The following CDK14 variants were observed in gnomAD, a reference collection of about 807,000 sequenced individuals.
The protein encoded by CDK14 is cyclin dependent kinase 14.
In CDK14, 34 loss-of-function variants were observed where a neutral mutation model predicts 60.7. The ratio of observed to expected loss-of-function variants is 0.56; its 90% confidence interval spans 0.43 to 0.75. The LOEUF (loss-of-function observed/expected upper bound fraction) is 0.75. Among genes scored for constraint, CDK14 ranks in the 30% least tolerant of loss-of-function variants. The pLI, the probability that CDK14 is intolerant of heterozygous loss-of-function variation, is 0.00. For synonymous variants in CDK14, 197 were observed against 203.7 expected, an observed-to-expected ratio of 0.97 and a Z score of 0.28; for missense variants, 482 against 564.1, an observed-to-expected ratio of 0.85 and a Z score of 1.47.
intron 10 of CDK14, among the ~76,000 whole-genome samples, chr7:91,038,975 G>C (rs1797007596): frequency 6.6e-6 from 1 of 152,106 alleles, no homozygotes; most frequent in Non-Finnish European, 1.5e-5. Flanking sequence ...TTTATTAGCA[G>C]CATGAAAATG....
At chr7:90,996,722 G>A (rs1795695532) in intron 10 of CDK14, among the ~76,000 whole-genome samples, 1 of 152,168 alleles carries the variant, frequency 6.6e-6, no homozygotes, top group Admixed American at 6.5e-5. Context: ...TGTACTGGAA[G>A]TGTTGAAAAC....
chr7:90,658,727 T>G (rs1331569544), intron 2 of CDK14, among the ~76,000 whole-genome samples: 1 of 152,228 alleles, frequency 6.6e-6, no homozygotes, highest in Non-Finnish European at 1.5e-5. Context: ...GTTATCATTT[T>G]TTTGTTATGG....
intron 2 of CDK14, among the ~76,000 whole-genome samples, chr7:90,615,660 A>ATTTC (rs1799636183): frequency 6.6e-6 from 1 of 152,158 alleles, no homozygotes; most frequent in South Asian, 2.1e-4. Flanking sequence ...TGCCCATGGG[A>ATTTC]ATGTGCCAAA....
At chr7:90,951,074 A>G (rs1430685224) in intron 8 of CDK14, among the ~76,000 whole-genome samples, 2 of 152,184 alleles carry the variant, frequency 1.3e-5, no homozygotes, top group African/African-American at 4.8e-5. Flanking sequence ...TGGAATGGGA[A>G]TGAAATCCAA....
intron 4 of CDK14, among the ~76,000 whole-genome samples, chr7:90,780,311 T>C (rs1463292149): frequency 6.6e-6 from 1 of 152,110 alleles, no homozygotes; most frequent in Non-Finnish European, 1.5e-5. Flanking sequence ...ATATTCTGTA[T>C]TTAGAAAGTT....
At chr7:90,799,408 C>G (rs180817179) in intron 5 of CDK14, among the ~76,000 whole-genome samples, 143 of 152,114 alleles carry the variant, frequency 9.4e-4, no homozygotes, top group Non-Finnish European at 1.7e-3. Context: ...CTGAACCTGG[C>G]TGGGTGCGGT....
intron 14 of CDK14, among the ~76,000 whole-genome samples, chr7:91,161,680 G>A (rs535167127): frequency 1.3e-5 from 2 of 152,144 alleles, no homozygotes; most frequent in South Asian, 4.1e-4. Flanking sequence ...AAACATTTGA[G>A]GCAGACAACT....
chr7:90,905,901 A>G (rs1584109154), intron 7 of CDK14, among the ~76,000 whole-genome samples: 1 of 152,178 alleles, frequency 6.6e-6, no homozygotes, highest in Non-Finnish European at 1.5e-5. Context: ...ATTGCAGTGC[A>G]TGGAAGCAGA....
intron 14 of CDK14, among the ~76,000 whole-genome samples, chr7:91,136,391 C>T (rs1042705578): frequency 7.2e-5 from 11 of 152,050 alleles, no homozygotes; most frequent in Non-Finnish European, 1.6e-4. Context: ...TTGATTTGAG[C>T]GTTACTGCCC....
intron 9 of CDK14, among the ~76,000 whole-genome samples, chr7:90,962,274 G>A (rs1381412917): frequency 6.6e-6 from 1 of 151,982 alleles, no homozygotes; most frequent in Non-Finnish European, 1.5e-5. Flanking sequence ...ATCACCTGAG[G>A]GCAGGAGTTC....
chr7:90,927,048 C>T (rs1793439185), intron 8 of CDK14, among the ~76,000 whole-genome samples: 1 of 152,210 alleles, frequency 6.6e-6, no homozygotes, highest in South Asian at 2.1e-4. Context: ...AGGGGCACCA[C>T]CTTCCCAGCA....
intron 5 of CDK14, among the ~76,000 whole-genome samples, chr7:90,847,518 T>C (rs1978068): frequency 0.54 from 81,939 of 151,946 alleles, 22,648 homozygotes; most frequent in East Asian, 0.88. Context: ...CTCTGTTTTC[T>C]TCCACATGGG....
At chr7:90,749,828 C>T (rs1562751909) in intron 4 of CDK14, among the ~76,000 whole-genome samples, 1 of 152,156 alleles carries the variant, frequency 6.6e-6, no homozygotes, top group Non-Finnish European at 1.5e-5. Flanking sequence ...CTTGTGCCTG[C>T]TATCAGGGGA....
chr7:91,026,685 C>T (rs1197323335), intron 10 of CDK14, among the ~76,000 whole-genome samples: 1 of 152,206 alleles, frequency 6.6e-6, no homozygotes, highest in Non-Finnish European at 1.5e-5. Flanking sequence ...GCGTGACCTT[C>T]GGCAAGTTAT....
chr7:91,023,081 G>A (rs1177862716), intron 10 of CDK14, among the ~76,000 whole-genome samples: 2 of 151,664 alleles, frequency 1.3e-5, no homozygotes, highest in Non-Finnish European at 2.9e-5. Flanking sequence ...TTTTTTGTTG[G>A]GAACATGTGA....
chr7:90,966,958 T>G (rs1330226290), intron 9 of CDK14, among the ~76,000 whole-genome samples: 2 of 152,056 alleles, frequency 1.3e-5, no homozygotes, highest in African/African-American at 2.4e-5. Context: ...TTTATCCTTG[T>G]TTAAAATTTT....
chr7:91,030,251 G>A (rs1251091974), intron 10 of CDK14, among the ~76,000 whole-genome samples: 1 of 152,076 alleles, frequency 6.6e-6, no homozygotes, highest in Admixed American at 6.5e-5. Flanking sequence ...ATTTCCTAAC[G>A]TTAAACTTAC....
intron 8 of CDK14, among the ~76,000 whole-genome samples, chr7:90,949,874 AAAAC>A (rs955355448): frequency 1.3e-5 from 2 of 152,200 alleles, no homozygotes; most frequent in East Asian, 1.9e-4. Context: ...ATGTATTTAA[AAAAC>A]AAACAAACAA....
At chr7:91,024,693 A>G (rs989816013) in intron 10 of CDK14, among the ~76,000 whole-genome samples, 5 of 152,202 alleles carry the variant, frequency 3.3e-5, no homozygotes, top group African/African-American at 4.8e-5. Flanking sequence ...ATGCAGATAG[A>G]TTGATTTCGG....
Sources: gnomAD v4.1 joint callset for allele counts (sites outside exome capture counted in the v4.1 genomes callset) on GRCh38, gnomAD v4.1.1 for gene constraint, MANE v1.5 for transcripts, NCBI Gene and HGNC (gene_info 2026-07-23, HGNC 2026-07-21) for gene names.